The following HEATR3 variants were observed in gnomAD, a reference collection of about 807,000 sequenced individuals.
HEATR3 encodes HEAT repeat-containing protein 3.
Under a neutral mutation model 72.8 loss-of-function variants are expected in HEATR3, and 56 were observed. The ratio of observed to expected loss-of-function variants is 0.77; its 90% CI spans 0.62 to 0.96. The LOEUF is 0.96. Among genes scored for constraint, HEATR3 ranks in the 40% least tolerant of loss-of-function variants. The pLI is 0.00. For missense variants in HEATR3, 747 were observed against 831.4 expected (o/e 0.90, Z 1.25); for synonymous variants, 331 against 318.1 (o/e 1.04, Z -0.43).
chr16:50,066,190 G>C lies in HEATR3; in HGVS notation c.59G>C (p.Cys20Ser). The change falls in exon 1 of 15, where the codon TGT becomes TCT. Residue 20 changes from cysteine to serine, a missense_variant. Cys to Ser is a moderately radical substitution (Grantham distance 112, BLOSUM62 -1). Transcript: ENST00000299192. ...CCTCAGTTCTCCCCTACGGGCGACT[G>C]TCAGGCCGAGGCGGCTGCGGCGGCG... is the stretch of plus-strand genomic sequence containing the variant. ...KRPQFSPTGD[C>S]QAEAAAAANG... The C allele has an allele frequency of 6.3e-7, 1 of 1,590,012 alleles. No homozygotes were observed. Among genetic ancestry groups the C allele is most frequent in the Admixed American group, 1.8e-5 (1 of 56,414 alleles).
At chr16:50,066,317 G>C in intron 1 of HEATR3, 48 bp downstream of exon 1, 1 of 1,565,196 alleles carries the variant, frequency 6.4e-7, no homozygotes, top group South Asian at 1.2e-5. Flanking sequence ...AGGTTGCCCC[G>C]CGCGCGTGCG....
At chr16:50,070,667 A>C (rs1251908722) in intron 4 of HEATR3, among the ~76,000 whole-genome samples, 1 of 151,704 alleles carries the variant, frequency 6.6e-6, no homozygotes, top group Non-Finnish European at 1.5e-5. Flanking sequence ...GTGCCACTGC[A>C]CTCCAGCCTG....
chr16:50,075,817 CT>C, intron 6 of HEATR3, 106 bp downstream of exon 6: 1 of 908,468 alleles, frequency 1.1e-6, no homozygotes, highest in Non-Finnish European at 1.7e-6. Flanking sequence ...GTCTTCTGTG[CT>C]TTTATCTGTT....
chr16:50,098,825 G>C (rs1437810521), intron 12 of HEATR3, among the ~76,000 whole-genome samples: 1 of 152,012 alleles, frequency 6.6e-6, no homozygotes, highest in Non-Finnish European at 1.5e-5. Context: ...ATTGTTTGCT[G>C]TAGTAACATT....
intron 5 of HEATR3, chr16:50,073,908 C>G (rs2036666417): frequency 6.6e-6 from 1 of 152,140 alleles, no homozygotes; most frequent in Non-Finnish European, 1.5e-5. Context: ...CTTCTAAAGT[C>G]AAGCAATGCT....
At chr16:50,104,914 A>T (rs957015323) in intron 14 of HEATR3, 25 bp from the exon 15 acceptor site, 5 of 1,561,560 alleles carry the variant, frequency 3.2e-6, no homozygotes, top group Non-Finnish European at 4.3e-6. Context: ...CAAGTCATAT[A>T]TGATTTTTTG....
intron 7 of HEATR3, among the ~76,000 whole-genome samples, chr16:50,082,097 T>C (rs1481106578): frequency 5.3e-5 from 8 of 152,154 alleles, no homozygotes; most frequent in Admixed American, 5.2e-4. Context: ...ATCCCAGCAC[T>C]TGGGGAGGCC....
rs2037472470 is a variant in HEATR3, at chr16:50,105,703, C to CA, written c.*643dup. The CA allele has an allele frequency of 6.6e-6, 1 of 151,768 alleles. No homozygotes were observed. Among genetic ancestry groups the CA allele is most frequent in the Non-Finnish European group, 1.5e-5 (1 of 68,070 alleles). The allele number at this position is 151,768 out of a possible 1,614,324, so 9.4% of individuals were successfully genotyped here. On this transcript the variant is annotated 3_prime_UTR_variant, in exon 15 of 15. Coordinates refer to ENST00000299192, the MANE Select transcript of HEATR3 (RefSeq NM_182922.4). ...AGTAGCTGGAATTACAGGCACCCAC[C>CA]ACCACACCTTGTTTTTGTTTTTGGT...
chr16:50,103,294 A>G (rs1308741110), intron 14 of HEATR3, among the ~76,000 whole-genome samples: 1 of 152,208 alleles, frequency 6.6e-6, no homozygotes, highest in African/African-American at 2.4e-5. Flanking sequence ...CTCAGTATGT[A>G]TTGCTGTGGT....
Position 50,066,073 on chromosome 16 carries a change from C to T in HEATR3, c.-59C>T, listed in dbSNP as rs1478307336. The T allele has an allele frequency of 3.9e-6, 6 of 1,530,160 alleles. No individual in the cohort carries two copies. The highest frequency in any genetic ancestry group is 5.0e-5 in the East Asian group (2 of 40,122). The allele number at this position is 1,530,160 out of a possible 1,614,324, so 94.8% of individuals were successfully genotyped here. On this transcript the variant is annotated 5_prime_UTR_variant, in exon 1 of 15. Transcript: ENST00000299192. ...CGGACCTTGTTAACGGCGCGGCAGC[C>T]TCCACCGCCTGCTGTTGCCCTCCTC...
chr16:50,082,303 A>G (rs2036884564), intron 7 of HEATR3, among the ~76,000 whole-genome samples: 1 of 152,092 alleles, frequency 6.6e-6, no homozygotes, highest in African/African-American at 2.4e-5. Context: ...AGATCATGCC[A>G]CTGCACTCCA....
chr16:50,086,275 T>C lies in HEATR3; in HGVS notation c.1434T>C (p.Asp478=). 2 of 1,585,866 alleles carry C rather than the reference T, an allele frequency of 1.3e-6. No individual in the cohort carries two copies. Among genetic ancestry groups the C allele is most frequent in the Non-Finnish European group, 1.7e-6 (2 of 1,164,966 alleles). The change falls in exon 11 of 15, where the codon GAT becomes GAC. Residue 478 remains aspartate (D), a synonymous_variant. Transcript: ENST00000299192. ...TCCAGAGTCTTGTGTCCCTCCTGGA[T>C]GTGGAGCACCTGGGAGGAGCCGCAG... ...FCLQSLVSLL[D]VEHLGGAAAL... is the part of the protein sequence containing the mutation.
rs866639458 is a variant in HEATR3 at position 50,075,583 on chromosome 16, A to C, written c.635A>C (p.Gln212Pro). ...DLAISVAYCL[Q>P]TVTEDNPELL... is the part of the protein sequence containing the mutation. Reference sequence around the variant, plus strand: ...TTTTGCCTCGTAGCATATTGTTTGCAGACAGTGACTGAGGATAACCCAGAG... The same window carrying C: ...TTTTGCCTCGTAGCATATTGTTTGCCGACAGTGACTGAGGATAACCCAGAG... Residue 212 changes from glutamine to proline, a missense_variant, in exon 6 of 15, where the codon CAG becomes CCG. Transcript: ENST00000299192. 2 of 1,612,798 alleles carry C rather than the reference A, an allele frequency of 1.2e-6. No homozygotes were observed. Among genetic ancestry groups the C allele is most frequent in the South Asian group, 1.1e-5 (1 of 91,056 alleles).
intron 5 of HEATR3, 54 bp from the exon 6 acceptor site, chr16:50,075,517 A>G: frequency 2.6e-6 from 4 of 1,529,422 alleles, no homozygotes; most frequent in Non-Finnish European, 9.0e-7. Context: ...TACTGGTGTA[A>G]ATTATCCAAA....
At chr16:50,083,866 T>A in intron 7 of HEATR3, 71 bp from the exon 8 acceptor site, 2 of 1,415,492 alleles carry the variant, frequency 1.4e-6, no homozygotes, top group Non-Finnish European at 1.9e-6. Context: ...AGGCTTTCAC[T>A]AAGGAAATTC....
At chr16:50,081,802 C>T (rs951284063) in intron 7 of HEATR3, among the ~76,000 whole-genome samples, 1 of 152,064 alleles carries the variant, frequency 6.6e-6, no homozygotes, top group Non-Finnish European at 1.5e-5. Flanking sequence ...GGGGCACATG[C>T]AAAAGTAGAG....
chr16:50,077,375 A>T (rs1240058231), intron 6 of HEATR3, among the ~76,000 whole-genome samples: 1 of 147,462 alleles, frequency 6.8e-6, no homozygotes, highest in Non-Finnish European at 1.5e-5. Context: ...GGCTGGTGTC[A>T]AACTCCTGAG....
At chr16:50,104,106 A>G (rs972834236) in intron 14 of HEATR3, among the ~76,000 whole-genome samples, 2 of 152,052 alleles carry the variant, frequency 1.3e-5, no homozygotes, top group African/African-American at 4.8e-5. Flanking sequence ...TCCCAGCACT[A>G]TGGAAGGCCA....
chr16:50,085,541 G>A (rs909102383), intron 10 of HEATR3, among the ~76,000 whole-genome samples: 2 of 152,112 alleles, frequency 1.3e-5, no homozygotes, highest in African/African-American at 4.8e-5. Flanking sequence ...GGCTGAAGTG[G>A]GAGGATTGCT....
Sources: gnomAD v4.1 joint callset for allele counts (sites outside exome capture counted in the v4.1 genomes callset) on GRCh38, gnomAD v4.1.1 for gene constraint, MANE v1.5 for transcripts, NCBI Gene and HGNC (gene_info 2026-07-23, HGNC 2026-07-21) for gene names.